Variants in HIBADH observed in about 807,000 individuals in gnomAD.
The protein encoded by HIBADH is 3-hydroxyisobutyrate dehydrogenase.
A neutral mutation model predicts 36.1 loss-of-function variants in HIBADH; 25 were observed. That is an observed-to-expected ratio of 0.69 (90% CI 0.50 to 0.97). The LOEUF is 0.97. HIBADH is among the 50% of genes least tolerant of loss of function. HIBADH has a pLI of 0.00. For missense variants in HIBADH, 421 were observed against 418.0 expected (o/e 1.01, Z -0.06); for synonymous variants, 160 against 149.5 (o/e 1.07, Z -0.51).
intron 2 of HIBADH, among the ~76,000 whole-genome samples, chr7:27,634,149 T>C (rs1785795993): frequency 6.6e-6 from 1 of 152,166 alleles, no homozygotes; most frequent in Non-Finnish European, 1.5e-5. Flanking sequence ...TCCTGGCATA[T>C]TGTGTATTAA....
chr7:27,634,801 A>G (rs1785808642), intron 2 of HIBADH, among the ~76,000 whole-genome samples: 1 of 152,246 alleles, frequency 6.6e-6, no homozygotes, highest in Non-Finnish European at 1.5e-5. Flanking sequence ...GATGTTTCAC[A>G]GCTCCAAGTT....
At chr7:27,611,440 C>T (rs375867030) in intron 4 of HIBADH, among the ~76,000 whole-genome samples, 1 of 152,184 alleles carries the variant, frequency 6.6e-6, no homozygotes, top group South Asian at 2.1e-4. Flanking sequence ...TCATTATAGA[C>T]GAGAGCTGAT....
At chr7:27,534,467 C>G (rs971455386) in intron 6 of HIBADH, among the ~76,000 whole-genome samples, 1 of 152,166 alleles carries the variant, frequency 6.6e-6, no homozygotes, top group African/African-American at 2.4e-5. Context: ...GGAGGCTGTG[C>G]CTGTCTGCCA....
At chr7:27,570,601 C>T (rs936469040) in intron 4 of HIBADH, among the ~76,000 whole-genome samples, 2 of 151,612 alleles carry the variant, frequency 1.3e-5, no homozygotes, top group African/African-American at 4.9e-5. Context: ...CTGCCTTAAA[C>T]GTGATGACGG....
intron 4 of HIBADH, among the ~76,000 whole-genome samples, chr7:27,567,156 G>C (rs1167278240): frequency 6.6e-6 from 1 of 151,942 alleles, no homozygotes; most frequent in Non-Finnish European, 1.5e-5. Context: ...TTGTGGATTT[G>C]TTCATTTCTC....
intron 4 of HIBADH, among the ~76,000 whole-genome samples, chr7:27,568,182 T>C (rs1250105058): frequency 6.6e-6 from 1 of 152,240 alleles, no homozygotes; most frequent in Non-Finnish European, 1.5e-5. Flanking sequence ...CAGTTTCCTT[T>C]TACCTGAAGA....
intron 2 of HIBADH, among the ~76,000 whole-genome samples, chr7:27,634,207 A>C (rs1385938153): frequency 6.6e-6 from 1 of 152,168 alleles, no homozygotes; most frequent in Admixed American, 6.5e-5. Context: ...TAAAACAACA[A>C]AAAAAGATAT....
intron 5 of HIBADH, chr7:27,541,727 T>C (rs1244576222): frequency 2.3e-6 from 1 of 435,154 alleles, no homozygotes; most frequent in South Asian, 1.6e-5. Flanking sequence ...ATGGGTCCCA[T>C]GGTGTCATTC....
chr7:27,621,339 T>C (rs531283285), intron 4 of HIBADH, among the ~76,000 whole-genome samples: 3 of 152,000 alleles, frequency 2.0e-5, no homozygotes, highest in Admixed American at 6.6e-5. Context: ...GAAAAAAACG[T>C]TGAATTTAAA....
At chr7:27,564,482 C>T (rs1412361035) in intron 4 of HIBADH, among the ~76,000 whole-genome samples, 2 of 152,178 alleles carry the variant, frequency 1.3e-5, no homozygotes, top group African/African-American at 4.8e-5. Flanking sequence ...CAAAAACATT[C>T]ACGAGTCTTA....
intron 4 of HIBADH, among the ~76,000 whole-genome samples, chr7:27,613,056 T>C (rs1026787457): frequency 7.5e-6 from 1 of 132,806 alleles, no homozygotes; most frequent in Non-Finnish European, 1.6e-5. Flanking sequence ...ATATATATAA[T>C]ATAATTTATA....
chr7:27,539,736 A>G lies in HIBADH; in HGVS notation c.619-1319T>C, dbSNP rs146983889. Among the ~76,000 whole-genome samples, 508 of 152,294 alleles carry G rather than the reference A, an allele frequency of 3.3e-3. 6 individuals carry two copies. The highest frequency in any genetic ancestry group is 0.012 in the African/African-American group (479 of 41,572). ...CCCATGTATAACTTTTGACTCTCCA[A>G]AAACTTAACTACTAATAGCCCACTG... On this transcript the variant is annotated intron_variant, in intron 5 of 7. Transcript: ENST00000265395.
At chr7:27,590,519 A>G (rs1241917909) in intron 4 of HIBADH, among the ~76,000 whole-genome samples, 1 of 152,212 alleles carries the variant, frequency 6.6e-6, no homozygotes, top group Non-Finnish European at 1.5e-5. Context: ...ACTAAAAAAC[A>G]TCAAGGTTTC....
At chr7:27,619,678 C>T (rs1180024726) in intron 4 of HIBADH, among the ~76,000 whole-genome samples, 2 of 151,954 alleles carry the variant, frequency 1.3e-5, no homozygotes, top group African/African-American at 2.4e-5. Context: ...ATATAAAATA[C>T]ATTAGAAAGC....
At chr7:27,655,395 CT>C (rs1442849851) in intron 1 of HIBADH, among the ~76,000 whole-genome samples, 19 of 152,092 alleles carry the variant, frequency 1.2e-4, no homozygotes, top group Admixed American at 1.0e-3. Flanking sequence ...CAGCAATTTA[CT>C]TTCAAATGAT....
chr7:27,602,078 T>C (rs963354252), intron 4 of HIBADH, among the ~76,000 whole-genome samples: 2 of 152,046 alleles, frequency 1.3e-5, no homozygotes, highest in African/African-American at 4.8e-5. Flanking sequence ...TTGAAAATCC[T>C]CTACCTAAAA....
At chr7:27,660,229 C>T (rs1000715787) in intron 1 of HIBADH, among the ~76,000 whole-genome samples, 1 of 152,222 alleles carries the variant, frequency 6.6e-6, no homozygotes, top group Non-Finnish European at 1.5e-5. Flanking sequence ...ACATTACTAT[C>T]TGAACATGGT....
chr7:27,605,854 T>C (rs2128291033), intron 4 of HIBADH, among the ~76,000 whole-genome samples: 1 of 152,252 alleles, frequency 6.6e-6, no homozygotes, highest in East Asian at 1.9e-4. Flanking sequence ...CTTTTATCAT[T>C]AGCAGGTTTG....
chr7:27,609,016 T>G (rs1034291473), intron 4 of HIBADH, among the ~76,000 whole-genome samples: 1 of 152,172 alleles, frequency 6.6e-6, no homozygotes, highest in Non-Finnish European at 1.5e-5. Context: ...GCAATTAAAA[T>G]TTGGCCTTCA....
Sources: gnomAD v4.1 joint callset for allele counts (sites outside exome capture counted in the v4.1 genomes callset) on GRCh38, gnomAD v4.1.1 for gene constraint, MANE v1.5 for transcripts, NCBI Gene and HGNC (gene_info 2026-07-23, HGNC 2026-07-21) for gene names.